The following MSANTD3 variants were observed in gnomAD, a reference collection of about 807,000 sequenced individuals.
The protein encoded by MSANTD3 is myb/SANT-like DNA-binding domain-containing protein 3.
MSANTD3 carries 11 observed loss-of-function variants against 27.7 expected under a neutral mutation model. That is an observed-to-expected ratio of 0.40 (90% CI 0.25 to 0.66). The LOEUF (loss-of-function observed/expected upper bound fraction) is 0.66. Ranked by LOEUF, MSANTD3 falls within the 30% of genes least tolerant of loss-of-function variation. The pLI, the probability that MSANTD3 is intolerant of heterozygous loss-of-function variation, is 0.41. For missense variants in MSANTD3, 250 were observed against 336.5 expected (o/e 0.74, Z 2.01); for synonymous variants, 131 against 127.2 (o/e 1.03, Z -0.20).
intron 1 of MSANTD3, among the ~76,000 whole-genome samples, chr9:100,440,490 A>T: frequency 6.6e-6 from 1 of 152,104 alleles, no homozygotes; most frequent in Non-Finnish European, 1.5e-5. Flanking sequence ...AACAGCCCGC[A>T]TACCTGAAGG....
rs937568895 is a variant in MSANTD3 at position 100,427,241 on chromosome 9, G to T, written c.-186G>T. 1 of 145,668 alleles carries T rather than the reference G, an allele frequency of 6.9e-6. No individual in the cohort carries two copies. The highest frequency in any genetic ancestry group is 1.5e-5 in the Non-Finnish European group (1 of 65,614). 9.0% of individuals were successfully genotyped at this position (145,668 alleles called of 1,614,324 possible). A position where few individuals can be genotyped will look rare whatever the true frequency, so the allele number is the denominator to read the frequency against. ...CGGCGCGCGCGGCGGGGCCTGGCCGGCCGGGGGCGCGCCGCCGCCGCCGCC... is the reference window on the plus strand; with the variant it reads ...CGGCGCGCGCGGCGGGGCCTGGCCGTCCGGGGGCGCGCCGCCGCCGCCGCC... On this transcript the variant is annotated 5_prime_UTR_variant, in exon 1 of 3. Transcript: ENST00000395067.
intron 1 of MSANTD3, among the ~76,000 whole-genome samples, chr9:100,437,664 G>C (rs1836505178): frequency 6.6e-6 from 1 of 152,150 alleles, no homozygotes; most frequent in Non-Finnish European, 1.5e-5. Context: ...GGTAACTTTG[G>C]ATTTACTTAG....
intron 1 of MSANTD3, among the ~76,000 whole-genome samples, chr9:100,428,899 A>T: frequency 6.6e-6 from 1 of 152,160 alleles, no homozygotes; most frequent in East Asian, 1.9e-4. Flanking sequence ...AGAACTAAAA[A>T]GGCTTTGGAT....
intron 2 of MSANTD3, among the ~76,000 whole-genome samples, chr9:100,447,882 T>A (rs1836792769): frequency 6.6e-6 from 1 of 152,148 alleles, no homozygotes; most frequent in South Asian, 2.1e-4. Context: ...ATTGTTGAGA[T>A]GAAAGTGAGC....
intron 1 of MSANTD3, among the ~76,000 whole-genome samples, chr9:100,439,841 T>C (rs1028748100): frequency 6.6e-6 from 1 of 152,028 alleles, no homozygotes; most frequent in Non-Finnish European, 1.5e-5. Context: ...TTTGACATGA[T>C]TGGTCAGTTT....
At position 100,427,299 on chromosome 9, in the gene MSANTD3, C is replaced by G. The variant is rs1836266785; in HGVS notation, c.-128C>G. The G allele has an allele frequency of 1.4e-5, 2 of 145,926 alleles. No homozygotes were observed. The highest frequency in any genetic ancestry group is 1.4e-4 in the Admixed American group (2 of 14,728). 9.0% of individuals were successfully genotyped at this position (145,926 alleles called of 1,614,324 possible). ...GGCGTTCGGGAGCCCGCGGCCCTCC[C>G]GGCCGCCCTGCTTGCGAGAGGAGCC... On this transcript the variant is annotated 5_prime_UTR_variant, in exon 1 of 3. Transcript: ENST00000395067.
In MSANTD3 at chr9:100,427,236, G is replaced by A. The variant is rs926303684; in HGVS notation, c.-191G>A. Reference sequence around the variant, plus strand: ...GGCCGCGGCGCGCGCGGCGGGGCCTGGCCGGCCGGGGGCGCGCCGCCGCCG... The same window carrying A: ...GGCCGCGGCGCGCGCGGCGGGGCCTAGCCGGCCGGGGGCGCGCCGCCGCCG... On this transcript the variant is annotated 5_prime_UTR_variant, in exon 1 of 3. Transcript: ENST00000395067. 4.8e-5 allele frequency: 7 copies of A among 145,662 alleles called. No homozygotes were observed. Among genetic ancestry groups the A allele is most frequent in the Middle Eastern group, 3.6e-3 (1 of 278 alleles). 9.0% of individuals were successfully genotyped at this position (145,662 alleles called of 1,614,324 possible). A position where few individuals can be genotyped will look rare whatever the true frequency, so the allele number is the denominator to read the frequency against.
In MSANTD3 at chr9:100,450,716, T is replaced by C. The variant is rs745690675; in HGVS notation, c.578T>C (p.Leu193Ser). ...AGCAAAACCTCTCAGGAAGGTGCTT[T>C]AAAAAAGATGCATGAGGAAGAACAC... ...YRSKTSQEGALKKMHEEEHHQ... is the reference protein window; with the variant it reads ...YRSKTSQEGASKKMHEEEHHQ... The change falls in exon 3 of 3, where the codon TTA (leucine) becomes TCA (serine). Residue 193 changes from leucine (L) to serine (S), a missense_variant. By Grantham distance (145) the Leu-to-Ser change is moderately radical. Coordinates refer to ENST00000395067, the MANE Select transcript of MSANTD3 (RefSeq NM_080655.3). 4 of 1,613,920 alleles carry C rather than the reference T, an allele frequency of 2.5e-6. No homozygotes were observed. In the East Asian group the frequency reaches 8.9e-5, roughly 36 times the overall value.
At position 100,438,484 on chromosome 9, in the gene MSANTD3, A is replaced by G. The variant is rs539143939; in HGVS notation, c.-33-3422A>G. 3.3e-5 allele frequency among the ~76,000 whole-genome samples: 5 copies of G among 152,336 alleles called. No homozygotes were observed. The East Asian group carries it at 9.7e-4, about 29-fold the overall frequency. On this transcript the variant is annotated intron_variant, in intron 1 of 2. Coordinates refer to ENST00000395067, the MANE Select transcript of MSANTD3 (RefSeq NM_080655.3). ...ATGTATATGTAAAAGAGCATTACAT[A>G]TAACAACAAAATGGGGAGTAATCCT...
At chr9:100,428,631 G>A (rs995904183) in intron 1 of MSANTD3, among the ~76,000 whole-genome samples, 2 of 152,126 alleles carry the variant, frequency 1.3e-5, no homozygotes, top group African/African-American at 4.8e-5. Flanking sequence ...GTTATAGGTT[G>A]TCTCTTTTTA....
chr9:100,445,283 A>G (rs1356080434), intron 2 of MSANTD3: 5 of 1,086,848 alleles, frequency 4.6e-6, no homozygotes, highest in Non-Finnish European at 7.1e-6. Context: ...CATCTTGTGT[A>G]TTTGACATAA....
intron 1 of MSANTD3, among the ~76,000 whole-genome samples, chr9:100,441,444 C>G (rs112096474): frequency 0.14 from 21,481 of 151,176 alleles, 1,761 homozygotes; most frequent in Middle Eastern, 0.2. Context: ...GACCAGCCTG[C>G]CCAACATGGT....
chr9:100,449,918 C>G (rs1836844777), intron 2 of MSANTD3, among the ~76,000 whole-genome samples: 1 of 151,930 alleles, frequency 6.6e-6, no homozygotes, highest in Non-Finnish European at 1.5e-5. Flanking sequence ...TAGTCAAGTA[C>G]CAGGGACAGG....
At chr9:100,449,580 G>C (rs1836835086) in intron 2 of MSANTD3, among the ~76,000 whole-genome samples, 1 of 152,058 alleles carries the variant, frequency 6.6e-6, no homozygotes, top group Non-Finnish European at 1.5e-5. Context: ...TTTAAGCAGA[G>C]GGAACAGTGA....
intron 1 of MSANTD3, among the ~76,000 whole-genome samples, chr9:100,434,974 C>G (rs1208021444): frequency 6.6e-6 from 1 of 151,448 alleles, no homozygotes; most frequent in African/African-American, 2.4e-5. Flanking sequence ...ACACCATACA[C>G]ACACACACAC....
chr9:100,427,947 C>CG (rs1479762988), intron 1 of MSANTD3, among the ~76,000 whole-genome samples: 14 of 150,692 alleles, frequency 9.3e-5, no homozygotes, highest in Admixed American at 5.3e-4. Flanking sequence ...AGGCGGGGGT[C>CG]GGGGGGGCGT....
chr9:100,435,332 A>G (rs901978157), intron 1 of MSANTD3, among the ~76,000 whole-genome samples: 4 of 152,188 alleles, frequency 2.6e-5, no homozygotes, highest in Non-Finnish European at 4.4e-5. Flanking sequence ...TTCCAGTGCC[A>G]TAGCTCTTCA....
intron 1 of MSANTD3, among the ~76,000 whole-genome samples, chr9:100,438,427 A>AGTGTGTGT (rs139680729): frequency 0.14 from 20,761 of 151,196 alleles, 1,597 homozygotes; most frequent in Middle Eastern, 0.2. Flanking sequence ...TTATTTAGAA[A>AGTGTGTGT]GTGTGTGTGT....
chr9:100,449,169 T>C, intron 2 of MSANTD3: 1 of 985,402 alleles, frequency 1.0e-6, no homozygotes, highest in Non-Finnish European at 1.2e-6. Context: ...GCTACAAGAC[T>C]CCATGGGTTA....
Sources: gnomAD v4.1 joint callset for allele counts (sites outside exome capture counted in the v4.1 genomes callset) on GRCh38, gnomAD v4.1.1 for gene constraint, MANE v1.5 for transcripts, NCBI Gene and HGNC (gene_info 2026-07-23, HGNC 2026-07-21) for gene names.